Variants in AGBL4 observed in about 807,000 individuals in gnomAD.
AGBL4 encodes cytosolic carboxypeptidase 6.
Under a neutral mutation model 66.4 loss-of-function variants are expected in AGBL4, and 58 were observed. That is an observed-to-expected ratio of 0.87 (90% CI 0.71 to 1.09). The LOEUF is 1.09. Among genes scored for constraint, AGBL4 ranks in the 50% least tolerant of loss-of-function variants. AGBL4 has a pLI of 0.00. For synonymous variants in AGBL4, 234 were observed against 222.9 expected, an observed-to-expected ratio of 1.05 and a Z score of -0.44; for missense variants, 579 against 631.0, an observed-to-expected ratio of 0.92 and a Z score of 0.88.
At chr1:49,070,385 T>C (rs566773121) in intron 4 of AGBL4, among the ~76,000 whole-genome samples, 4 of 152,062 alleles carry the variant, frequency 2.6e-5, no homozygotes, top group Non-Finnish European at 5.9e-5. Flanking sequence ...AAATAGCTCT[T>C]ATTATTTTGA....
chr1:48,846,850 A>C (rs1646928618), intron 6 of AGBL4, among the ~76,000 whole-genome samples: 1 of 152,174 alleles, frequency 6.6e-6, no homozygotes, highest in African/African-American at 2.4e-5. Flanking sequence ...ACAACATAAA[A>C]TAACCTACAA....
intron 4 of AGBL4, among the ~76,000 whole-genome samples, chr1:49,082,707 C>A (rs1644829550): frequency 6.6e-6 from 1 of 152,166 alleles, no homozygotes; most frequent in East Asian, 1.9e-4. Context: ...AAATCTCATG[C>A]CCTCACATTT....
At chr1:49,341,099 A>G (rs1645531121) in intron 3 of AGBL4, among the ~76,000 whole-genome samples, 1 of 152,116 alleles carries the variant, frequency 6.6e-6, no homozygotes, top group Non-Finnish European at 1.5e-5. Context: ...GCCCTAATCT[A>G]TGTATTGAGT....
intron 1 of AGBL4, among the ~76,000 whole-genome samples, chr1:49,866,270 T>C (rs1646698484): frequency 6.6e-6 from 1 of 152,020 alleles, no homozygotes; most frequent in South Asian, 2.1e-4. Flanking sequence ...CCCAGTAAGA[T>C]ATTCCATGAG....
intron 3 of AGBL4, among the ~76,000 whole-genome samples, chr1:49,303,572 C>T (rs1311464183): frequency 6.6e-6 from 1 of 151,986 alleles, no homozygotes; most frequent in African/African-American, 2.4e-5. Context: ...CCTGCCTCAG[C>T]CTCCCGAGTA....
At chr1:49,043,227 T>G (rs968776311) in intron 5 of AGBL4, among the ~76,000 whole-genome samples, 1 of 152,192 alleles carries the variant, frequency 6.6e-6, no homozygotes, top group Non-Finnish European at 1.5e-5. Context: ...TATATCTTTT[T>G]ATTTTCCCTG....
At chr1:49,341,033 G>A (rs1385408089) in intron 3 of AGBL4, among the ~76,000 whole-genome samples, 3 of 152,204 alleles carry the variant, frequency 2.0e-5, no homozygotes, top group African/African-American at 4.8e-5. Context: ...GCTATCTTAT[G>A]TATAAGCAAG....
chr1:48,888,436 G>C (rs962105655), intron 5 of AGBL4, among the ~76,000 whole-genome samples: 3 of 152,186 alleles, frequency 2.0e-5, no homozygotes, highest in African/African-American at 7.2e-5. Flanking sequence ...GCCATAGCCT[G>C]CCCCACCCAA....
At chr1:49,772,593 T>C (rs1355595433) in intron 2 of AGBL4, among the ~76,000 whole-genome samples, 4 of 152,194 alleles carry the variant, frequency 2.6e-5, no homozygotes, top group Non-Finnish European at 4.4e-5. Context: ...GGAAGGTCTT[T>C]AGTTCTCTTT....
chr1:49,536,356 C>G (rs911209916), intron 3 of AGBL4, among the ~76,000 whole-genome samples: 5 of 152,038 alleles, frequency 3.3e-5, no homozygotes. Context: ...AAATTTTTAT[C>G]TGTGTGTGTG....
chr1:49,826,225 T>C (rs1318931534), intron 2 of AGBL4, among the ~76,000 whole-genome samples: 1 of 152,124 alleles, frequency 6.6e-6, no homozygotes, highest in African/African-American at 2.4e-5. Flanking sequence ...CAGGGAAGTT[T>C]TTTAAAAAAA....
intron 2 of AGBL4, among the ~76,000 whole-genome samples, chr1:49,742,700 A>G (rs1650619615): frequency 1.3e-5 from 2 of 152,218 alleles, no homozygotes; most frequent in African/African-American, 4.8e-5. Flanking sequence ...GTACCAAAAC[A>G]GAGATACAGA....
chr1:49,799,661 G>C (rs1557458710), intron 2 of AGBL4, among the ~76,000 whole-genome samples: 2 of 151,550 alleles, frequency 1.3e-5, no homozygotes, highest in Admixed American at 1.3e-4. Context: ...GAAGTGAAAG[G>C]GCATCTTGAT....
At chr1:48,711,589 C>T (rs927459985) in intron 6 of AGBL4, among the ~76,000 whole-genome samples, 5 of 152,158 alleles carry the variant, frequency 3.3e-5, no homozygotes, top group Non-Finnish European at 7.4e-5. Context: ...AATTGCTGCT[C>T]ACCCCCGGGG....
intron 5 of AGBL4, among the ~76,000 whole-genome samples, chr1:48,867,820 A>G (rs899624748): frequency 6.6e-6 from 1 of 152,162 alleles, no homozygotes; most frequent in African/African-American, 2.4e-5. Flanking sequence ...TTACCACACA[A>G]TATTCACACA....
chr1:48,929,992 A>G (rs918253526), intron 5 of AGBL4, among the ~76,000 whole-genome samples: 3 of 152,172 alleles, frequency 2.0e-5, no homozygotes, highest in Non-Finnish European at 4.4e-5. Context: ...TCTCCTGCCA[A>G]ACTTAAATAT....
intron 3 of AGBL4, among the ~76,000 whole-genome samples, chr1:49,429,381 A>G (rs1645734128): frequency 6.6e-6 from 1 of 152,222 alleles, no homozygotes; most frequent in Admixed American, 6.5e-5. Context: ...TGCTATAAAT[A>G]ATATATGTGT....
At chr1:48,603,470 A>C (rs1211276226) in intron 9 of AGBL4, among the ~76,000 whole-genome samples, 1 of 152,036 alleles carries the variant, frequency 6.6e-6, no homozygotes, top group African/African-American at 2.4e-5. Context: ...CTCCGTTTCA[A>C]AATAAAATAA....
chr1:49,755,113 G>C (rs184188485), intron 2 of AGBL4, among the ~76,000 whole-genome samples: 2 of 152,038 alleles, frequency 1.3e-5, no homozygotes, highest in South Asian at 4.1e-4. Flanking sequence ...TGGGTACCAG[G>C]GCCTAGCCAA....
Sources: allele counts gnomAD v4.1 joint callset (sites outside exome capture counted in the v4.1 genomes callset), GRCh38; gene constraint gnomAD v4.1.1; transcripts MANE v1.5; gene names NCBI Gene and HGNC (gene_info 2026-07-23, HGNC 2026-07-21).